Variants in PLCE1 observed in about 807,000 individuals in gnomAD.
PLCE1 encodes the protein 1-phosphatidylinositol 4,5-bisphosphate phosphodiesterase epsilon-1.
PLCE1 carries 119 observed loss-of-function variants against 242.8 expected under a neutral mutation model. That is an observed-to-expected ratio of 0.49 (90% confidence interval 0.42 to 0.57). The LOEUF (loss-of-function observed/expected upper bound fraction) is 0.57, where lower values mean the gene tolerates loss of function less well. PLCE1 is among the 20% of genes least tolerant of loss of function. The probability of loss-of-function intolerance (pLI) is 0.00; values close to 1 mark genes in which losing one functional copy is unlikely to be tolerated. For synonymous variants in PLCE1, 945 were observed against 1,017.4 expected, an observed-to-expected ratio of 0.93 and a Z score of 1.35; for missense variants, 2,441 against 2,788.8, an observed-to-expected ratio of 0.88 and a Z score of 2.81.
chr10:94,094,488 C>T (rs1214567933), intron 2 of PLCE1, among the ~76,000 whole-genome samples: 1 of 152,144 alleles, frequency 6.6e-6, no homozygotes, highest in African/African-American at 2.4e-5. Flanking sequence ...GAGTTCATAG[C>T]AGGGCTTCCT....
intron 23 of PLCE1, among the ~76,000 whole-genome samples, chr10:94,296,725 G>A (rs2052833517): frequency 6.6e-6 from 1 of 152,156 alleles, no homozygotes; most frequent in East Asian, 1.9e-4. Context: ...TGTGTTCACT[G>A]GAGTAGCACT....
At position 94,299,365 on chromosome 10, in the gene PLCE1, C is replaced by T. The variant is rs183678092; in HGVS notation, c.5458+696C>T. The stretch of plus-strand genomic sequence containing the variant: ...CCCTAAAGTTGTGTACCTTTATGAT[C>T]GCCATTTCTCAGATGAGCAAATCAA... On this transcript the variant is annotated intron_variant, in intron 24 of 32. Coordinates refer to ENST00000371380, the MANE Select transcript of PLCE1 (RefSeq NM_016341.4). Among the ~76,000 whole-genome samples the T allele has an allele frequency of 7.9e-5, 12 of 152,246 alleles. No individual in the cohort carries two copies. The East Asian group carries it at 2.1e-3, about 27-fold the overall frequency.
intron 4 of PLCE1, among the ~76,000 whole-genome samples, chr10:94,192,462 C>T (rs1482350916): frequency 6.6e-6 from 1 of 152,188 alleles, no homozygotes; most frequent in Non-Finnish European, 1.5e-5. Context: ...TCTGTTCCTG[C>T]ATTAATTCAC....
intron 11 of PLCE1, among the ~76,000 whole-genome samples, chr10:94,255,779 C>G (rs933950588): frequency 1.1e-4 from 16 of 151,354 alleles, no homozygotes; most frequent in Admixed American, 8.6e-4. Context: ...CCAAAGGGAA[C>G]CAGAATGCTG....
At chr10:94,089,147 T>C (rs1000826035) in intron 2 of PLCE1, 7 of 1,613,738 alleles carry the variant, frequency 4.3e-6, no homozygotes, top group Non-Finnish European at 5.9e-6. Context: ...ATGGAAGAGG[T>C]GAGGCAGCTC....
At chr10:94,280,250 G>A in intron 20 of PLCE1, 1 of 358,332 alleles carries the variant, frequency 2.8e-6, no homozygotes, top group Non-Finnish European at 5.3e-6. Context: ...GTAGACTGAG[G>A]TTGCGTCCTT....
chr10:94,059,372 G>C (rs1214083395), intron 2 of PLCE1, among the ~76,000 whole-genome samples: 2 of 152,184 alleles, frequency 1.3e-5, no homozygotes, highest in Non-Finnish European at 2.9e-5. Context: ...GAGAAATGTA[G>C]AGGAAGGGTT....
intron 14 of PLCE1, 131 bp downstream of exon 14, chr10:94,262,863 T>TG: frequency 1.4e-6 from 1 of 693,950 alleles, no homozygotes; most frequent in Non-Finnish European, 2.5e-6. Flanking sequence ...ACAGTTTTGT[T>TG]TTTTTTTTTG....
chr10:94,004,921 C>T (rs1233914316), intron 1 of PLCE1, among the ~76,000 whole-genome samples: 1 of 152,154 alleles, frequency 6.6e-6, no homozygotes. Flanking sequence ...GTGTTTCCAA[C>T]AGTTATTTAT....
At chr10:93,997,967 G>A (rs887195114) in intron 1 of PLCE1, among the ~76,000 whole-genome samples, 11 of 152,184 alleles carry the variant, frequency 7.2e-5, no homozygotes, top group Non-Finnish European at 1.2e-4. Flanking sequence ...GGTGGCCGGT[G>A]GTTTGGTCCT....
chr10:94,331,058 C>G lies in PLCE1; in HGVS notation c.*3115C>G, dbSNP rs1460768725. On this transcript the variant is annotated 3_prime_UTR_variant, in exon 33 of 33. Coordinates refer to ENST00000371380, the MANE Select transcript of PLCE1 (RefSeq NM_016341.4). ...GCCAAATCTGTAGGAATGATCCTAT[C>G]TGGGTAGAAAGTGCCCTTTGAGGGG... 2.0e-5 allele frequency: 3 copies of G among 152,192 alleles called. No individual in the cohort carries two copies. The highest frequency in any genetic ancestry group is 4.4e-5 in the Non-Finnish European group (3 of 68,034). 9.4% of individuals were successfully genotyped at this position (152,192 alleles called of 1,614,324 possible). A position where few individuals can be genotyped will look rare whatever the true frequency, so the allele number is the denominator to read the frequency against.
chr10:94,299,988 G>A (rs1163475329), intron 24 of PLCE1, among the ~76,000 whole-genome samples: 4 of 152,196 alleles, frequency 2.6e-5, no homozygotes, highest in African/African-American at 9.7e-5. Flanking sequence ...TACTTTCAAA[G>A]TTGTAAAAAC....
At chr10:94,029,786 C>T (rs945500465) in intron 1 of PLCE1, among the ~76,000 whole-genome samples, 1 of 152,028 alleles carries the variant, frequency 6.6e-6, no homozygotes, top group Non-Finnish European at 1.5e-5. Context: ...TGTCAAAGAG[C>T]AAAGGCAAGG....
intron 2 of PLCE1, among the ~76,000 whole-genome samples, chr10:94,124,647 A>G (rs764013757): frequency 2.6e-5 from 4 of 152,214 alleles, no homozygotes; most frequent in Non-Finnish European, 5.9e-5. Context: ...AGCATCTACC[A>G]TAGTCGATGT....
chr10:94,031,966 G>T lies in PLCE1; in HGVS notation c.920G>T (p.Cys307Phe). The T allele has an allele frequency of 6.2e-7, 1 of 1,613,816 alleles. No individual in the cohort carries two copies. Among genetic ancestry groups the T allele is most frequent in the Non-Finnish European group, 8.5e-7 (1 of 1,179,778 alleles). The stretch of plus-strand genomic sequence containing the variant: ...CATTTTGAGGACTTCCCTGATAATT[G>T]TGATGATGTAGAAGAAGACGCTTTT... ...LSHFEDFPDN[C>F]DDVEEDAFKS... is the part of the protein sequence containing the mutation. Residue 307 changes from cysteine (C) to phenylalanine (F), a missense_variant, in exon 2 of 33, where the codon TGT (cysteine) becomes TTT (phenylalanine). By Grantham distance (205) the Cys-to-Phe change is radical. Around this residue, in one of 5 missense-constraint regions of PLCE1, gnomAD observed 393 missense variants for 378.5 expected, o/e 1.04. Transcript: ENST00000371380.
intron 5 of PLCE1, among the ~76,000 whole-genome samples, chr10:94,232,698 G>A (rs940027770): frequency 6.6e-6 from 1 of 152,112 alleles, no homozygotes; most frequent in Non-Finnish European, 1.5e-5. Flanking sequence ...CTTTCTGCTA[G>A]GGTCGCCTCA....
At chr10:94,251,155 A>G (rs1215854622) in intron 8 of PLCE1, among the ~76,000 whole-genome samples, 1 of 152,152 alleles carries the variant, frequency 6.6e-6, no homozygotes, top group Non-Finnish European at 1.5e-5. Flanking sequence ...AAATCGGGGT[A>G]TGGTTAGAGA....
intron 2 of PLCE1, among the ~76,000 whole-genome samples, chr10:94,049,853 A>G (rs2043714415): frequency 6.6e-6 from 1 of 152,222 alleles, no homozygotes; most frequent in Admixed American, 6.5e-5. Context: ...AACATTATAT[A>G]AAAGAATTCA....
At chr10:94,252,173 C>T (rs2050902490) in intron 8 of PLCE1, 143 bp from the exon 9 acceptor site, 2 of 706,232 alleles carry the variant, frequency 2.8e-6, no homozygotes, top group South Asian at 3.4e-5. Context: ...AGTTAGAAAA[C>T]AGTCACTTGG....
Sources: gnomAD v4.1 joint callset for allele counts (sites outside exome capture counted in the v4.1 genomes callset) on GRCh38, gnomAD v4.1.1 for gene constraint, gnomAD v4.1.1 regional missense constraint, MANE v1.5 for transcripts, NCBI Gene and HGNC (gene_info 2026-07-23, HGNC 2026-07-21) for gene names.